Variants in MELK observed in about 807,000 individuals in gnomAD.
The protein encoded by MELK is maternal embryonic leucine zipper kinase.
MELK carries 81 observed loss-of-function variants against 85.0 expected under a neutral mutation model. The observed-to-expected ratio is 0.95, with a 90% CI of 0.80 to 1.15. The LOEUF is 1.15. Ranked by LOEUF, MELK falls within the 50% of genes most tolerant of loss-of-function variation. The pLI is 0.00. For synonymous variants in MELK, 252 were observed against 265.0 expected (o/e 0.95, Z 0.48); for missense variants, 754 against 777.5 (o/e 0.97, Z 0.36).
chr9:36,605,904 G>C (rs1282999111), intron 7 of MELK, among the ~76,000 whole-genome samples: 1 of 149,266 alleles, frequency 6.7e-6, no homozygotes, highest in Non-Finnish European at 1.5e-5. Flanking sequence ...AGTGAGCTGA[G>C]ATTGTGCCAC....
At chr9:36,586,062 C>T (rs1198896407) in intron 3 of MELK, among the ~76,000 whole-genome samples, 1 of 151,918 alleles carries the variant, frequency 6.6e-6, no homozygotes, top group East Asian at 1.9e-4. Context: ...CAAAGGGAGC[C>T]AGGCACTGTG....
chr9:36,643,005 C>G lies in MELK; in HGVS notation c.843C>G (p.His281Gln). 1 of 1,607,252 alleles carries G rather than the reference C, an allele frequency of 6.2e-7. No individual in the cohort carries two copies. Among genetic ancestry groups the G allele is most frequent in the East Asian group, 2.2e-5 (1 of 44,594 alleles). ...VEWQSKNPFIHLDDDCVTELS... is the reference protein window; with the variant it reads ...VEWQSKNPFIQLDDDCVTELS... ...ATAATTTTTTTTTGTAGTTTATTCA[C>G]CTCGATGATGATTGCGTAACAGAAC... Residue 281 changes from histidine to glutamine, a missense_variant, in exon 11 of 18, where the codon CAC becomes CAG. His to Gln is a conservative substitution (Grantham distance 24). Transcript: ENST00000298048.
chr9:36,630,428 A>T, intron 9 of MELK, 61 bp downstream of exon 9: 1 of 1,315,132 alleles, frequency 7.6e-7, no homozygotes. Flanking sequence ...CTTTTAAGAT[A>T]TCTGTGGTGC....
intron 16 of MELK, among the ~76,000 whole-genome samples, 196 bp from the exon 17 acceptor site, chr9:36,674,616 GCTATGGGTGTGTTTACTAATAA>G (rs1233339014): frequency 6.6e-6 from 1 of 152,178 alleles, no homozygotes; most frequent in Non-Finnish European, 1.5e-5. Flanking sequence ...TGAAAAGGAA[GCTATGGGTGTGTTTACTAATAA>G]CCATAACTTC....
At chr9:36,629,480 A>G (rs1828295931) in intron 8 of MELK, among the ~76,000 whole-genome samples, 2 of 152,270 alleles carry the variant, frequency 1.3e-5, no homozygotes, top group African/African-American at 4.8e-5. Context: ...TTTAGTCCTA[A>G]AAGAGGTATT....
intron 12 of MELK, among the ~76,000 whole-genome samples, chr9:36,654,451 G>A (rs1168117973): frequency 1.3e-5 from 2 of 150,448 alleles, no homozygotes; most frequent in African/African-American, 4.9e-5. Context: ...CGCCTCCTGG[G>A]TTCAAGTGAT....
At chr9:36,666,853 TTGTGTGTG>T (rs5897643) in intron 14 of MELK, among the ~76,000 whole-genome samples, 19,796 of 130,552 alleles carry the variant, frequency 0.15, 1,338 homozygotes, top group Non-Finnish European at 0.17. Flanking sequence ...ATGTCTGTGT[TTGTGTGTG>T]TGTGTGTGTG....
chr9:36,647,648 C>T (rs912323307), intron 11 of MELK, among the ~76,000 whole-genome samples: 1 of 151,956 alleles, frequency 6.6e-6, no homozygotes, highest in Admixed American at 6.6e-5. Context: ...GCCACCACAC[C>T]CAGCTAATTT....
chr9:36,642,573 T>C (rs1829859194), intron 10 of MELK, among the ~76,000 whole-genome samples: 1 of 151,882 alleles, frequency 6.6e-6, no homozygotes, highest in Non-Finnish European at 1.5e-5. Context: ...GGATTACAGA[T>C]GCTCGCCACC....
Position 36,594,656 on chromosome 9 carries a change from A to G in MELK, c.290A>G (p.Tyr97Cys), listed in dbSNP as rs1255817156. The change falls in exon 5 of 18, where the codon TAT becomes TGT. Residue 97 changes from tyrosine (Y) to cysteine (C), a missense_variant. By Grantham distance (194) the Tyr-to-Cys change is radical. Coordinates refer to ENST00000298048, the MANE Select transcript of MELK (RefSeq NM_014791.4). ...TGCCCTGGAGGAGAGCTGTTTGACTATATAATTTCCCAGGATCGCCTGTCA... is the reference window on the plus strand; with the variant it reads ...TGCCCTGGAGGAGAGCTGTTTGACTGTATAATTTCCCAGGATCGCCTGTCA... ...EYCPGGELFD[Y>C]IISQDRLSEE... The G allele has an allele frequency of 2.5e-6, 4 of 1,613,884 alleles. No individual in the cohort carries two copies. Among genetic ancestry groups the G allele is most frequent in the Non-Finnish European group, 3.4e-6 (4 of 1,180,004 alleles).
rs1383649461 is a variant in MELK at position 36,669,350 on chromosome 9, A to G, written c.1449A>G (p.Pro483=). The G allele has an allele frequency of 6.2e-7, 1 of 1,609,856 alleles. No homozygotes were observed. Residue 483 remains proline, a synonymous_variant, in exon 15 of 18, where the codon CCA becomes CCG. Transcript: ENST00000298048. The stretch of plus-strand genomic sequence containing the variant: ...TGAAAGAAACTCCAATTAAAATACC[A>G]GTAAATTCAACAGGAACAGACAAGT... The part of the protein sequence containing the change: ...QCLKETPIKI[P]VNSTGTDKLM...
In MELK at chr9:36,589,920, G is replaced by GTTTT. The variant is rs566073692; in HGVS notation, c.261+284_261+287dup. Among the ~76,000 whole-genome samples the GTTTT allele has an allele frequency of 7.7e-4, 97 of 125,776 alleles. 1 individual carries two copies. The highest frequency in any genetic ancestry group is 2.5e-3 in the African/African-American group (79 of 32,080). The allele number at this position is 125,776 out of a possible 152,430, so 82.5% of individuals were successfully genotyped here. A position where few individuals can be genotyped will look rare whatever the true frequency, so the allele number is the denominator to read the frequency against. On this transcript the variant is annotated intron_variant, in intron 4 of 17. Coordinates refer to ENST00000298048, the MANE Select transcript of MELK (RefSeq NM_014791.4). ...CTCCTAGAGGGAAGGACTCATTCTAGTTTTTTTTTTTTTTTTTTTGAGACG... is the reference window on the plus strand; with the variant it reads ...CTCCTAGAGGGAAGGACTCATTCTAGTTTTTTTTTTTTTTTTTTTTTTTGAGACG...
At chr9:36,581,602 G>T in intron 1 of MELK, 42 bp from the exon 2 acceptor site, 1 of 953,710 alleles carries the variant, frequency 1.0e-6, no homozygotes, top group Non-Finnish European at 1.6e-6. Context: ...GAGATGATCC[G>T]GTATTATTTC....
intron 3 of MELK, among the ~76,000 whole-genome samples, chr9:36,588,382 C>CTT (rs113873638): frequency 2.3e-5 from 3 of 130,020 alleles, no homozygotes; most frequent in Non-Finnish European, 3.2e-5. Context: ...GAGTCCCTCC[C>CTT]TTTTTTTTTT....
At chr9:36,648,567 G>A (rs1468716840) in intron 11 of MELK, among the ~76,000 whole-genome samples, 1 of 152,200 alleles carries the variant, frequency 6.6e-6, no homozygotes, top group Non-Finnish European at 1.5e-5. Context: ...TGAAATGGAT[G>A]CGCAAAGTCT....
chr9:36,626,647 A>G (rs1227194677), intron 8 of MELK, among the ~76,000 whole-genome samples: 2 of 151,942 alleles, frequency 1.3e-5, no homozygotes, highest in African/African-American at 2.4e-5. Flanking sequence ...ATATCTTGTT[A>G]TTGGGCCTCA....
At chr9:36,609,320 A>G (rs1235578467) in intron 8 of MELK, among the ~76,000 whole-genome samples, 4 of 152,182 alleles carry the variant, frequency 2.6e-5, no homozygotes, top group African/African-American at 9.6e-5. Context: ...AAAATAGGAA[A>G]ATTATTTCAA....
At chr9:36,635,769 T>C (rs1330229009) in intron 10 of MELK, among the ~76,000 whole-genome samples, 3 of 151,874 alleles carry the variant, frequency 2.0e-5, no homozygotes, top group Admixed American at 1.3e-4. Context: ...ATTTAAAAAA[T>C]ACTATTTCTA....
At chr9:36,584,592 C>T (rs1822664626) in intron 3 of MELK, among the ~76,000 whole-genome samples, 1 of 151,230 alleles carries the variant, frequency 6.6e-6, no homozygotes, top group Non-Finnish European at 1.5e-5. Context: ...CTCGACCTCC[C>T]AAAGTGCTGG....
Sources: gnomAD v4.1 joint callset for allele counts (sites outside exome capture counted in the v4.1 genomes callset) on GRCh38, gnomAD v4.1.1 for gene constraint, MANE v1.5 for transcripts, NCBI Gene and HGNC (gene_info 2026-07-23, HGNC 2026-07-21) for gene names.